PLEKHA2: variants seen among roughly 807,000 people sequenced by gnomAD.
The protein encoded by PLEKHA2 is pleckstrin homology domain containing A2.
Under a neutral mutation model 53.2 loss-of-function variants are expected in PLEKHA2, and 28 were observed. The observed-to-expected ratio is 0.53, with a 90% CI of 0.39 to 0.72. PLEKHA2 has a LOEUF of 0.72. PLEKHA2 is among the 30% of genes least tolerant of loss of function. The probability of loss-of-function intolerance (pLI) is 0.00; values close to 1 mark genes in which losing one functional copy is unlikely to be tolerated. For missense variants in PLEKHA2, 426 were observed against 537.9 expected, an observed-to-expected ratio of 0.79 and a Z score of 2.06; for synonymous variants, 193 against 196.4, an observed-to-expected ratio of 0.98 and a Z score of 0.14.
At chr8:38,925,589 A>G (rs1051127248) in intron 2 of PLEKHA2, among the ~76,000 whole-genome samples, 17 of 152,252 alleles carry the variant, frequency 1.1e-4, no homozygotes, top group African/African-American at 3.9e-4. Context: ...AAAAGATTGC[A>G]TGGCTCTTAG....
At chr8:38,959,964 C>T (rs1211992237) in intron 10 of PLEKHA2, among the ~76,000 whole-genome samples, 1 of 152,196 alleles carries the variant, frequency 6.6e-6, no homozygotes, top group African/African-American at 2.4e-5. Flanking sequence ...TGGATACACA[C>T]TGCTTGGCAT....
At chr8:38,949,315 A>G (rs111736870) in intron 5 of PLEKHA2, among the ~76,000 whole-genome samples, 72 of 152,168 alleles carry the variant, frequency 4.7e-4, no homozygotes, top group Non-Finnish European at 3.1e-4. Context: ...AGGAGGAGGA[A>G]ACAGGGCAAC....
chr8:38,966,795 C>CT (rs74885024), intron 10 of PLEKHA2, among the ~76,000 whole-genome samples: 181 of 148,558 alleles, frequency 1.2e-3, no homozygotes, highest in Middle Eastern at 6.9e-3. Flanking sequence ...AGTCACAACT[C>CT]TTTTTTTTTT....
At chr8:38,950,818 T>C (rs1588267958) in intron 5 of PLEKHA2, 32 bp from the exon 6 acceptor site, 1 of 1,603,924 alleles carries the variant, frequency 6.2e-7, no homozygotes, top group East Asian at 2.2e-5. Flanking sequence ...AATGTTCTGT[T>C]CCCCATTGAT....
chr8:38,931,735 G>A (rs1326794745), intron 2 of PLEKHA2, among the ~76,000 whole-genome samples: 14 of 152,188 alleles, frequency 9.2e-5, no homozygotes, highest in Non-Finnish European at 2.1e-4. Flanking sequence ...CTGTAAAGCA[G>A]TAAGATCCTA....
intron 2 of PLEKHA2, among the ~76,000 whole-genome samples, chr8:38,919,386 G>T (rs1588240309): frequency 6.6e-6 from 1 of 152,166 alleles, no homozygotes; most frequent in Non-Finnish European, 1.5e-5. Flanking sequence ...GGCCCTGAGT[G>T]CTGTTAGCTC....
intron 10 of PLEKHA2, 58 bp downstream of exon 10, chr8:38,957,444 C>T (rs1418981951): frequency 1.4e-6 from 2 of 1,410,266 alleles, no homozygotes; most frequent in Non-Finnish European, 2.0e-6. Context: ...GGTGCCCTCA[C>T]AGGCCGTGTC....
rs560009877 is a variant in PLEKHA2 at position 38,923,653 on chromosome 8, C to T, written c.141+5583C>T. Reference sequence around the variant, plus strand: ...TAAATACTGTGGCTACTTCAGTGAACAAGACAGTCTTTGCCTTCATAGAGT... The same window carrying T: ...TAAATACTGTGGCTACTTCAGTGAATAAGACAGTCTTTGCCTTCATAGAGT... On this transcript the variant is annotated intron_variant, in intron 2 of 11. Transcript: ENST00000617275. Among the ~76,000 whole-genome samples, 4 of 152,242 alleles carry T rather than the reference C, an allele frequency of 2.6e-5. No homozygotes were observed. In the South Asian group the frequency reaches 8.3e-4, roughly 32 times the overall value.
chr8:38,932,679 ATCT>A (rs1407947732), intron 2 of PLEKHA2, among the ~76,000 whole-genome samples: 3 of 152,212 alleles, frequency 2.0e-5, no homozygotes, highest in Admixed American at 1.3e-4. Context: ...GTCACCGTTC[ATCT>A]TCTAGGTCCA....
At chr8:38,932,553 C>G (rs529113233) in intron 2 of PLEKHA2, among the ~76,000 whole-genome samples, 1 of 152,162 alleles carries the variant, frequency 6.6e-6, no homozygotes, top group Non-Finnish European at 1.5e-5. Context: ...TGTTTCTTGG[C>G]CTTCCTGCCC....
intron 10 of PLEKHA2, chr8:38,960,761 A>G (rs907600839): frequency 2.6e-5 from 4 of 152,240 alleles, no homozygotes; most frequent in African/African-American, 9.6e-5. Context: ...TAGCCTTTTT[A>G]GATAATTGTG....
At chr8:38,930,455 C>T (rs911161498) in intron 2 of PLEKHA2, among the ~76,000 whole-genome samples, 16 of 152,206 alleles carry the variant, frequency 1.1e-4, no homozygotes, top group African/African-American at 3.1e-4. Context: ...CCCCCTGCCT[C>T]AGCCTCCCAA....
intron 2 of PLEKHA2, among the ~76,000 whole-genome samples, chr8:38,926,546 G>A (rs1834292204): frequency 6.6e-6 from 1 of 152,016 alleles, no homozygotes; most frequent in South Asian, 2.1e-4. Context: ...ATTAGAAACT[G>A]CAATTTTGCT....
chr8:38,967,730 C>A (rs1393249772), intron 10 of PLEKHA2, among the ~76,000 whole-genome samples: 1 of 149,214 alleles, frequency 6.7e-6, no homozygotes, highest in African/African-American at 2.5e-5. Context: ...GGTGTGATCT[C>A]GGCTCACTGC....
rs374391919 is a variant in PLEKHA2, at chr8:38,953,300, C to G, written c.706C>G (p.Arg236Gly). 3 of 1,612,028 alleles carry G rather than the reference C, an allele frequency of 1.9e-6. No homozygotes were observed. The highest frequency in any genetic ancestry group is 2.5e-6 in the Non-Finnish European group (3 of 1,178,226). ...TICYFKCEQD[R>G]EPLRTIFLKD... is the part of the protein sequence containing the mutation. ...GTCTTTCTGTTCTTTCCACCAGGAC[C>G]GAGAACCACTGCGCACCATATTTCT... is the stretch of plus-strand genomic sequence containing the variant. Residue 236 changes from arginine (R) to glycine (G), a missense_variant, in exon 9 of 12, where the codon CGA becomes GGA. Physicochemically the swap from Arg to Gly is moderately radical, Grantham distance 125 (BLOSUM62 -2). Coordinates refer to ENST00000617275, the MANE Select transcript of PLEKHA2 (RefSeq NM_021623.2).
intron 9 of PLEKHA2, among the ~76,000 whole-genome samples, chr8:38,954,920 G>A (rs1455919159): frequency 7.2e-5 from 11 of 152,078 alleles, no homozygotes; most frequent in African/African-American, 9.7e-5. Flanking sequence ...TGTAATCCCC[G>A]CTACTTGGGA....
At chr8:38,930,422 T>C (rs1296602055) in intron 2 of PLEKHA2, among the ~76,000 whole-genome samples, 1 of 152,200 alleles carries the variant, frequency 6.6e-6, no homozygotes, top group Non-Finnish European at 1.5e-5. Context: ...CAGGCTGGTC[T>C]TGAATTCCTG....
chr8:38,957,996 C>T (rs1158355115), intron 10 of PLEKHA2, among the ~76,000 whole-genome samples: 2 of 152,194 alleles, frequency 1.3e-5, no homozygotes, highest in Admixed American at 6.5e-5. Flanking sequence ...TGCCTTGATT[C>T]GCAGCCCCGT....
At chr8:38,966,263 T>G (rs1008689049) in intron 10 of PLEKHA2, among the ~76,000 whole-genome samples, 1 of 148,132 alleles carries the variant, frequency 6.8e-6, no homozygotes, top group African/African-American at 2.5e-5. Context: ...TGTTTTACTG[T>G]CTTTTCCTGA....
Sources: gnomAD v4.1 joint callset for allele counts (sites outside exome capture counted in the v4.1 genomes callset) on GRCh38, gnomAD v4.1.1 for gene constraint, MANE v1.5 for transcripts, NCBI Gene and HGNC (gene_info 2026-07-23, HGNC 2026-07-21) for gene names.